The following OXSR1 variants were observed in gnomAD, a reference collection of about 807,000 sequenced individuals.
OXSR1 encodes oxidative stress responsive kinase 1.
OXSR1 carries 24 observed loss-of-function variants against 79.8 expected under a neutral mutation model. The ratio of observed to expected loss-of-function variants is 0.30; its 90% CI spans 0.22 to 0.42. OXSR1 has a LOEUF of 0.42. Ranked by LOEUF, OXSR1 falls within the 10% of genes least tolerant of loss-of-function variation. The pLI is 1.00. For synonymous variants in OXSR1, 226 were observed against 209.2 expected (o/e 1.08, Z -0.69); for missense variants, 430 against 618.4 (o/e 0.70, Z 3.23).
chr3:38,219,068 C>G (rs1432013719), intron 5 of OXSR1, among the ~76,000 whole-genome samples: 1 of 152,036 alleles, frequency 6.6e-6, no homozygotes, highest in African/African-American at 2.4e-5. Context: ...GGCATTTTTG[C>G]TCTTTGGTTT....
intron 5 of OXSR1, among the ~76,000 whole-genome samples, chr3:38,221,204 G>A (rs1702582900): frequency 6.6e-6 from 1 of 152,088 alleles, no homozygotes; most frequent in Admixed American, 6.5e-5. Flanking sequence ...GTGGATTAGA[G>A]CAAGGGGGAA....
At chr3:38,179,213 A>G (rs534635219) in intron 1 of OXSR1, among the ~76,000 whole-genome samples, 52 of 152,032 alleles carry the variant, frequency 3.4e-4, no homozygotes, top group African/African-American at 1.2e-3. Context: ...GTATTTTTGT[A>G]GGGACGGAGT....
chr3:38,179,969 C>A (rs557102462), intron 1 of OXSR1, among the ~76,000 whole-genome samples: 2 of 152,114 alleles, frequency 1.3e-5, no homozygotes, highest in African/African-American at 4.8e-5. Flanking sequence ...CCCCCATGCC[C>A]GGCTAATTTT....
Position 38,236,876 on chromosome 3 carries a change from A to C in OXSR1, c.989A>C (p.Lys330Thr). The C allele has an allele frequency of 6.2e-7, 1 of 1,613,024 alleles. No homozygotes were observed. Among genetic ancestry groups the C allele is most frequent in the Non-Finnish European group, 8.5e-7 (1 of 1,179,268 alleles). Residue 330 changes from lysine (K) to threonine (T), a missense_variant, in exon 11 of 18, where the codon AAG becomes ACG. Around this residue, in one of 3 missense-constraint regions of OXSR1, gnomAD observed 276 missense variants for 354.2 expected, o/e 0.78. Transcript: ENST00000311806. ...RVPGSSGRLH[K>T]TEDGGWEWSD... Reference sequence around the variant, plus strand: ...CCAGGTTCCAGTGGGCGTCTTCATAAGACAGAGGATGGAGGCTGGGAGTGG... The same window carrying C: ...CCAGGTTCCAGTGGGCGTCTTCATACGACAGAGGATGGAGGCTGGGAGTGG...
intron 4 of OXSR1, 107 bp downstream of exon 4, chr3:38,198,970 G>C: frequency 1.1e-6 from 1 of 880,236 alleles, no homozygotes; most frequent in Non-Finnish European, 1.8e-6. Context: ...TGTATCACTA[G>C]TTTTAGTACA....
At chr3:38,250,438 A>G (rs1392352959) in intron 15 of OXSR1, among the ~76,000 whole-genome samples, 1 of 152,174 alleles carries the variant, frequency 6.6e-6, no homozygotes, top group Admixed American at 6.5e-5. Flanking sequence ...TCAGAATCCA[A>G]AGTTCATTCT....
intron 10 of OXSR1, among the ~76,000 whole-genome samples, chr3:38,235,237 T>C (rs911226860): frequency 6.6e-6 from 1 of 152,200 alleles, no homozygotes; most frequent in African/African-American, 2.4e-5. Flanking sequence ...AGTTGTATGG[T>C]ATATGAATTA....
chr3:38,253,000 G>T lies in OXSR1; in HGVS notation c.*109G>T, dbSNP rs147089627. The T allele has an allele frequency of 3.8e-6, 3 of 794,510 alleles. No homozygotes were observed. The highest frequency in any genetic ancestry group is 3.5e-5 in the African/African-American group (2 of 57,770). The allele number at this position is 794,510 out of a possible 1,614,324, so 49.2% of individuals were successfully genotyped here. On this transcript the variant is annotated 3_prime_UTR_variant, in exon 18 of 18. Coordinates refer to ENST00000311806, the MANE Select transcript of OXSR1 (RefSeq NM_005109.3). The stretch of plus-strand genomic sequence containing the variant: ...CAAAGAACCCAGCAACAAACCTCCC[G>T]GCTAGGAGCTTTAGAAGTCTTTATG...
chr3:38,164,530 T>C (rs1701389530), upstream of OXSR1, among the ~76,000 whole-genome samples: 1 of 152,198 alleles, frequency 6.6e-6, no homozygotes, highest in African/African-American at 2.4e-5. Flanking sequence ...CCCTGTTGGA[T>C]GCTCATTATT....
intron 11 of OXSR1, among the ~76,000 whole-genome samples, chr3:38,239,634 T>C (rs1185273515): frequency 6.6e-6 from 1 of 152,182 alleles, no homozygotes; most frequent in African/African-American, 2.4e-5. Context: ...TTTTTGATGT[T>C]TTCCCCCCTA....
At chr3:38,229,592 G>C (rs1415102621) in intron 8 of OXSR1, 95 bp from the exon 9 acceptor site, 5 of 1,024,022 alleles carry the variant, frequency 4.9e-6, no homozygotes, top group African/African-American at 1.6e-5. Context: ...TTATTTTGCT[G>C]TTGAAAAAAA....
At chr3:38,251,557 A>G (rs979738205) in intron 16 of OXSR1, 86 bp downstream of exon 16, 2 of 984,792 alleles carry the variant, frequency 2.0e-6, no homozygotes, top group African/African-American at 3.2e-5. Context: ...TATTCCACTG[A>G]GTAGGTCTGA....
At position 38,233,748 on chromosome 3, in the gene OXSR1, T is replaced by G. The variant is rs144273705; in HGVS notation, c.952-3091T>G. Among the ~76,000 whole-genome samples the G allele has an allele frequency of 2.5e-3, 380 of 151,466 alleles. 1 individual carries two copies. The highest frequency in any genetic ancestry group is 7.8e-3 in the Admixed American group (119 of 15,214). On this transcript the variant is annotated intron_variant, in intron 10 of 17. Coordinates refer to ENST00000311806, the MANE Select transcript of OXSR1 (RefSeq NM_005109.3). Reference sequence around the variant, plus strand: ...GGGTAACAAGGCAAGACCCAGACTCTACCAAAAAAAAAAATTAGCTGGGCA... The same window carrying G: ...GGGTAACAAGGCAAGACCCAGACTCGACCAAAAAAAAAAATTAGCTGGGCA...
Position 38,198,707 on chromosome 3 carries a change from G to A in OXSR1, c.293-15G>A. The A allele has an allele frequency of 6.3e-7, 1 of 1,596,768 alleles. No individual in the cohort carries two copies. The highest frequency in any genetic ancestry group is 8.6e-7 in the Non-Finnish European group (1 of 1,169,282). Reference sequence around the variant, plus strand: ...GATTTAGAGATTTTTAGAAAATTATGTCTTCTGTTTTCAGGTTCTGTTCTG... The same window carrying A: ...GATTTAGAGATTTTTAGAAAATTATATCTTCTGTTTTCAGGTTCTGTTCTG... On this transcript the variant is annotated splice_polypyrimidine_tract_variant and intron_variant, in intron 3 of 17. Transcript: ENST00000311806.
chr3:38,238,192 A>T (rs1171843640), intron 11 of OXSR1, among the ~76,000 whole-genome samples: 4 of 152,026 alleles, frequency 2.6e-5, no homozygotes, highest in Admixed American at 6.6e-5. Context: ...TCTGTCCAGT[A>T]TTTTTCATGT....
At chr3:38,246,551 T>C (rs1703146345) in intron 13 of OXSR1, among the ~76,000 whole-genome samples, 3 of 152,198 alleles carry the variant, frequency 2.0e-5, no homozygotes, top group Admixed American at 2.0e-4. Flanking sequence ...GGAGAATCGA[T>C]GGCTGTACTG....
chr3:38,236,835 G>C lies in OXSR1; in HGVS notation c.952-4G>C. 1.3e-6 allele frequency: 2 copies of C among 1,594,830 alleles called. No individual in the cohort carries two copies. The highest frequency in any genetic ancestry group is 4.5e-5 in the East Asian group (2 of 44,302). On this transcript the variant is annotated splice_polypyrimidine_tract_variant and splice_region_variant and intron_variant, in intron 10 of 17. Transcript: ENST00000311806. ...CATAACCCACTTCTCTTTCTAATGAGCAGGTTCGGAGAGTACCAGGTTCCA... is the reference window on the plus strand; with the variant it reads ...CATAACCCACTTCTCTTTCTAATGACCAGGTTCGGAGAGTACCAGGTTCCA...
chr3:38,214,646 A>G (rs907266267), intron 4 of OXSR1, among the ~76,000 whole-genome samples: 5 of 152,226 alleles, frequency 3.3e-5, no homozygotes, highest in Non-Finnish European at 7.3e-5. Flanking sequence ...AGATTCATGG[A>G]GTAAAGCAGG....
chr3:38,216,792 C>A (rs1702490449), intron 5 of OXSR1, among the ~76,000 whole-genome samples: 1 of 152,070 alleles, frequency 6.6e-6, no homozygotes, highest in Non-Finnish European at 1.5e-5. Context: ...AAGATAATCA[C>A]CCAAATCTTA....
Sources: allele counts gnomAD v4.1 joint callset (sites outside exome capture counted in the v4.1 genomes callset), GRCh38; gene constraint gnomAD v4.1.1; regional missense constraint gnomAD v4.1.1; transcripts MANE v1.5; gene names NCBI Gene and HGNC (gene_info 2026-07-23, HGNC 2026-07-21).